Variants in SUPT3H observed in about 807,000 individuals in gnomAD.
SUPT3H encodes the protein transcription initiation protein SPT3 homolog.
SUPT3H carries 44 observed loss-of-function variants against 44.3 expected under a neutral mutation model. The ratio of observed to expected loss-of-function variants is 0.99; its 90% CI spans 0.78 to 1.28. The LOEUF (loss-of-function observed/expected upper bound fraction) is 1.28. Among genes scored for constraint, SUPT3H ranks in the 50% most tolerant of loss-of-function variants. The pLI is 0.00. For synonymous variants in SUPT3H, 124 were observed against 125.6 expected (o/e 0.99, Z 0.09); for missense variants, 380 against 387.1 (o/e 0.98, Z 0.15).
chr6:45,151,000 C>T lies in SUPT3H; in HGVS notation c.102-44994G>A, dbSNP rs191216057. Among the ~76,000 whole-genome samples, 9 of 152,180 alleles carry T rather than the reference C, an allele frequency of 5.9e-5. No individual in the cohort carries two copies. In the East Asian group the frequency reaches 1.7e-3, roughly 29 times the overall value. On this transcript the variant is annotated intron_variant, in intron 2 of 10. Transcript: ENST00000371459. ...CCTCCCAAAGTGCTGGGATTACAGG[C>T]GTGAGCCACCGCACCCAGCCATCTT...
intron 10 of SUPT3H, among the ~76,000 whole-genome samples, chr6:44,870,261 A>C (rs760369168): frequency 6.6e-6 from 1 of 152,178 alleles, no homozygotes; most frequent in Non-Finnish European, 1.5e-5. Flanking sequence ...AAGAGTTAAA[A>C]TGATGATCAA....
intron 2 of SUPT3H, among the ~76,000 whole-genome samples, chr6:45,204,612 C>T (rs945648715): frequency 4.6e-5 from 7 of 152,136 alleles, no homozygotes; most frequent in Non-Finnish European, 1.0e-4. Context: ...TTTAACATAT[C>T]GAGTCATCAC....
rs543257074 is a variant in SUPT3H, at chr6:45,052,171, A to G, written c.187-31539T>C. The stretch of plus-strand genomic sequence containing the variant: ...GGAGGTGCACAAAAAGCTCTTTTGA[A>G]GAGAGTCGGTGATAGAAGATTCGGA... On this transcript the variant is annotated intron_variant, in intron 3 of 10. Coordinates refer to ENST00000371459, the MANE Select transcript of SUPT3H (RefSeq NM_003599.4). 2.0e-5 allele frequency among the ~76,000 whole-genome samples: 3 copies of G among 152,338 alleles called. No individual in the cohort carries two copies. The South Asian group carries it at 6.2e-4, about 32-fold the overall frequency.
In SUPT3H at chr6:44,919,883, C is replaced by A. The variant is rs114952524; in HGVS notation, c.912+12770G>T. ...ACACAATCACTTCTTTTTCTTTTTT[C>A]TTTTTTATTTTTTGAGACCCAGTCT... On this transcript the variant is annotated intron_variant, in intron 10 of 10. Coordinates refer to ENST00000371459, the MANE Select transcript of SUPT3H (RefSeq NM_003599.4). Among the ~76,000 whole-genome samples the A allele has an allele frequency of 4.2e-3, 645 of 151,828 alleles. 6 individuals carry two copies. The highest frequency in any genetic ancestry group is 0.015 in the African/African-American group (603 of 41,414).
At chr6:45,231,658 T>C (rs1007114020) in intron 2 of SUPT3H, among the ~76,000 whole-genome samples, 1 of 152,318 alleles carries the variant, frequency 6.6e-6, no homozygotes, top group Middle Eastern at 3.4e-3. Context: ...TAGGAAGTTT[T>C]AATCTATTAA....
intron 2 of SUPT3H, among the ~76,000 whole-genome samples, chr6:45,201,309 T>C (rs955019949): frequency 2.6e-5 from 4 of 151,806 alleles, no homozygotes; most frequent in Non-Finnish European, 5.9e-5. Flanking sequence ...CAACTTAAAA[T>C]GCAAGAATTC....
intron 2 of SUPT3H, among the ~76,000 whole-genome samples, chr6:45,140,030 G>A (rs1301821909): frequency 1.3e-5 from 2 of 152,100 alleles, no homozygotes; most frequent in Non-Finnish European, 2.9e-5. Flanking sequence ...TCTGAGCGGG[G>A]TACTATGGGA....
At chr6:44,848,595 C>A (rs1772305402) in intron 10 of SUPT3H, among the ~76,000 whole-genome samples, 1 of 137,890 alleles carries the variant, frequency 7.3e-6, no homozygotes, top group Non-Finnish European at 1.6e-5. Context: ...TGGATCTCTG[C>A]AACTGTCCTT....
intron 3 of SUPT3H, among the ~76,000 whole-genome samples, chr6:45,085,706 T>C (rs1796393490): frequency 6.6e-6 from 1 of 152,126 alleles, no homozygotes; most frequent in Non-Finnish European, 1.5e-5. Context: ...TCTATATACT[T>C]ATCTTTTCTG....
At chr6:44,818,516 A>C (rs1767058553) in intron 11 of SUPT3H, among the ~76,000 whole-genome samples, 1 of 152,208 alleles carries the variant, frequency 6.6e-6, no homozygotes, top group Admixed American at 6.5e-5. Flanking sequence ...AGGGCACTTT[A>C]GGAAAGAACA....
At chr6:44,907,231 T>C (rs1375606758) in intron 10 of SUPT3H, among the ~76,000 whole-genome samples, 1 of 152,242 alleles carries the variant, frequency 6.6e-6, no homozygotes, top group African/African-American at 2.4e-5. Context: ...ATCTGAGTAA[T>C]TTTTCACCTC....
chr6:44,908,485 C>T (rs1766479915), intron 10 of SUPT3H, among the ~76,000 whole-genome samples: 1 of 152,072 alleles, frequency 6.6e-6, no homozygotes. Flanking sequence ...ACACTGGGCA[C>T]TGAATCTCAA....
chr6:44,925,917 T>TA (rs1242883458), intron 10 of SUPT3H, among the ~76,000 whole-genome samples: 5 of 152,290 alleles, frequency 3.3e-5, no homozygotes, highest in African/African-American at 1.2e-4. Flanking sequence ...TGCCAATGAA[T>TA]TTTCTGATGG....
At chr6:45,059,639 G>A (rs139057776) in intron 3 of SUPT3H, among the ~76,000 whole-genome samples, 2,669 of 152,176 alleles carry the variant, frequency 0.018, 53 homozygotes, top group South Asian at 0.086. Context: ...GAGAGAGGAA[G>A]TCAAATTATC....
At chr6:44,996,912 ACT>A (rs1274361023) in intron 6 of SUPT3H, among the ~76,000 whole-genome samples, 1 of 151,674 alleles carries the variant, frequency 6.6e-6, no homozygotes, top group Non-Finnish European at 1.5e-5. Context: ...TCTTTCTCCC[ACT>A]GATTTCTAAT....
chr6:45,280,975 A>C (rs969925934), intron 2 of SUPT3H, among the ~76,000 whole-genome samples: 3 of 152,276 alleles, frequency 2.0e-5, no homozygotes, highest in African/African-American at 7.2e-5. Context: ...AAAGGGGGAA[A>C]ACTGCACTTC....
intron 2 of SUPT3H, among the ~76,000 whole-genome samples, chr6:45,313,170 G>A (rs182173841): frequency 1.5e-3 from 234 of 152,096 alleles, no homozygotes; most frequent in Admixed American, 2.8e-3. Flanking sequence ...AGCCCTAAAC[G>A]CCTACATCAA....
chr6:44,863,241 G>C (rs1030254388), intron 10 of SUPT3H, among the ~76,000 whole-genome samples: 2 of 152,110 alleles, frequency 1.3e-5, no homozygotes, highest in African/African-American at 4.8e-5. Context: ...AGCCAAACAG[G>C]TAAAGTCCAT....
intron 1 of SUPT3H, among the ~76,000 whole-genome samples, chr6:45,375,977 C>T (rs1796721266): frequency 6.6e-6 from 1 of 152,098 alleles, no homozygotes; most frequent in South Asian, 2.1e-4. Flanking sequence ...TTTCAAATCG[C>T]TTTATTACAC....
Sources: allele counts gnomAD v4.1 joint callset (sites outside exome capture counted in the v4.1 genomes callset), GRCh38; gene constraint gnomAD v4.1.1; transcripts MANE v1.5; gene names NCBI Gene and HGNC (gene_info 2026-07-23, HGNC 2026-07-21).